The following BLNK variants were observed in gnomAD, a reference collection of about 807,000 sequenced individuals.
BLNK encodes B cell linker.
A neutral mutation model predicts 73.5 loss-of-function variants in BLNK; 29 were observed. That is an observed-to-expected ratio of 0.39 (90% CI 0.29 to 0.54). BLNK has a LOEUF of 0.54. Among genes scored for constraint, BLNK ranks in the 20% least tolerant of loss-of-function variants. The probability of loss-of-function intolerance (pLI) is 0.61; values close to 1 mark genes in which losing one functional copy is unlikely to be tolerated. For missense variants in BLNK, 460 were observed against 562.8 expected (o/e 0.82, Z 1.85); for synonymous variants, 176 against 200.8 (o/e 0.88, Z 1.04).
chr10:96,220,506 C>A (rs1038995067), intron 6 of BLNK, among the ~76,000 whole-genome samples: 2 of 152,188 alleles, frequency 1.3e-5, no homozygotes, highest in African/African-American at 4.8e-5. Flanking sequence ...CCCAGCATTG[C>A]AATTCAATGC....
intron 2 of BLNK, among the ~76,000 whole-genome samples, chr10:96,245,301 A>T (rs1338074156): frequency 6.6e-6 from 1 of 152,220 alleles, no homozygotes; most frequent in Non-Finnish European, 1.5e-5. Flanking sequence ...ACTTCTATAA[A>T]CTATTTTTTG....
chr10:96,246,873 G>A (rs1843064192), intron 2 of BLNK, 111 bp downstream of exon 2: 1 of 777,268 alleles, frequency 1.3e-6, no homozygotes, highest in Admixed American at 2.4e-5. Context: ...AGGGTTACGT[G>A]CTAAAGAGGT....
chr10:96,267,835 A>G (rs1272504870), intron 1 of BLNK, among the ~76,000 whole-genome samples: 1 of 152,232 alleles, frequency 6.6e-6, no homozygotes, highest in African/African-American at 2.4e-5. Flanking sequence ...AAAATCAATT[A>G]CACAACTATA....
Position 96,245,364 on chromosome 10 carries a change from A to G in BLNK, c.113+1620T>C, listed in dbSNP as rs202224820. ...TAATAGCAATTAAAACTTTAAGGGC[A>G]CAACTTCTTCCATTTGGAAATTTCA... On this transcript the variant is annotated intron_variant, in intron 2 of 16. Transcript: ENST00000224337. Among the ~76,000 whole-genome samples the G allele has an allele frequency of 7.9e-5, 12 of 152,342 alleles. No homozygotes were observed. In the East Asian group the frequency reaches 2.3e-3, roughly 29 times the overall value.
intron 16 of BLNK, among the ~76,000 whole-genome samples, chr10:96,192,625 A>C (rs1434571672): frequency 6.6e-6 from 1 of 152,210 alleles, no homozygotes; most frequent in Non-Finnish European, 1.5e-5. Flanking sequence ...TGGTAAGCTT[A>C]GAGTTAACTT....
Position 96,204,607 on chromosome 10 carries a change from A to G in BLNK, c.827T>C (p.Ile276Thr). The G allele has an allele frequency of 6.2e-7, 1 of 1,614,008 alleles. No individual in the cohort carries two copies. Among genetic ancestry groups the G allele is most frequent in the East Asian group, 2.2e-5 (1 of 44,880 alleles). ...NASSVCEEKP[I>T]PAERHRGSSH... ...TGACCCTCGGTGGCGTTCAGCAGGT[A>G]TAGGTTTTTCTGGATCAGGAAAATT... is the stretch of plus-strand genomic sequence containing the variant. Residue 276 changes from isoleucine to threonine, a missense_variant, in exon 12 of 17, where the codon ATA becomes ACA. Physicochemically the swap from Ile to Thr is moderately conservative, Grantham distance 89 (BLOSUM62 -1). Transcript: ENST00000224337.
chr10:96,234,451 C>G (rs587655763), intron 3 of BLNK, among the ~76,000 whole-genome samples: 4 of 152,320 alleles, frequency 2.6e-5, no homozygotes, highest in Admixed American at 2.6e-4. Flanking sequence ...TCTCAGGGAG[C>G]TTCCCAAAGT....
chr10:96,269,817 A>C, intron 1 of BLNK, among the ~76,000 whole-genome samples: 1 of 151,498 alleles, frequency 6.6e-6, no homozygotes, highest in Non-Finnish European at 1.5e-5. Context: ...TGGACAGAAA[A>C]CTCTCCTCAC....
intron 4 of BLNK, 66 bp from the exon 5 acceptor site, chr10:96,227,632 T>G: frequency 1.2e-6 from 2 of 1,608,494 alleles, no homozygotes; most frequent in Non-Finnish European, 1.7e-6. Flanking sequence ...GTCAGGACCA[T>G]TCCTGCCTTG....
chr10:96,213,852 G>A (rs1381700645), intron 8 of BLNK, among the ~76,000 whole-genome samples: 1 of 152,134 alleles, frequency 6.6e-6, no homozygotes, highest in Non-Finnish European at 1.5e-5. Context: ...GTTTTAGATT[G>A]GCATGTTTGA....
At chr10:96,203,943 T>G in intron 13 of BLNK, 114 bp downstream of exon 13, 6 of 799,822 alleles carry the variant, frequency 7.5e-6, no homozygotes, top group Non-Finnish European at 1.3e-5. Context: ...TGGGAGAAGA[T>G]GCCAGGATAA....
chr10:96,259,421 G>A (rs1287130553), intron 1 of BLNK, among the ~76,000 whole-genome samples: 4 of 152,138 alleles, frequency 2.6e-5, no homozygotes, highest in African/African-American at 4.8e-5. Flanking sequence ...GAGGGAATGC[G>A]GTAGCGGCCC....
At chr10:96,233,467 G>C (rs1842582361) in intron 3 of BLNK, among the ~76,000 whole-genome samples, 1 of 152,188 alleles carries the variant, frequency 6.6e-6, no homozygotes, top group East Asian at 1.9e-4. Flanking sequence ...TAGAGGTTCT[G>C]TGGCAACACA....
chr10:96,262,927 G>A (rs1046574392), intron 1 of BLNK, among the ~76,000 whole-genome samples: 2 of 152,202 alleles, frequency 1.3e-5, no homozygotes, highest in Non-Finnish European at 2.9e-5. Context: ...GACATGGAGG[G>A]GTCGTCTAGA....
intron 1 of BLNK, among the ~76,000 whole-genome samples, chr10:96,261,704 TC>T (rs1255240355): frequency 5.3e-5 from 8 of 152,238 alleles, no homozygotes; most frequent in African/African-American, 1.7e-4. Context: ...TTCATTTTTT[TC>T]AATGATTTTA....
chr10:96,252,081 C>T (rs1554909270), intron 1 of BLNK, among the ~76,000 whole-genome samples: 1 of 152,082 alleles, frequency 6.6e-6, no homozygotes, highest in Non-Finnish European at 1.5e-5. Flanking sequence ...GACGGAGTCT[C>T]ACTCTTGTTG....
intron 5 of BLNK, among the ~76,000 whole-genome samples, chr10:96,224,998 A>G (rs72811016): frequency 0.058 from 8,821 of 152,266 alleles, 396 homozygotes; most frequent in Middle Eastern, 0.18. Flanking sequence ...ACGCCTGGCC[A>G]ACATTCTTCA....
intron 3 of BLNK, among the ~76,000 whole-genome samples, chr10:96,240,826 A>C (rs1442904304): frequency 6.6e-6 from 1 of 152,154 alleles, no homozygotes; most frequent in Non-Finnish European, 1.5e-5. Context: ...ATGATTTTAT[A>C]ATTTGTCCAT....
intron 16 of BLNK, among the ~76,000 whole-genome samples, chr10:96,194,190 A>G (rs1227834030): frequency 6.6e-6 from 1 of 152,174 alleles, no homozygotes; most frequent in African/African-American, 2.4e-5. Context: ...CAGGACCTCG[A>G]AATAGGACAG....
Sources: gnomAD v4.1 joint callset for allele counts (sites outside exome capture counted in the v4.1 genomes callset) on GRCh38, gnomAD v4.1.1 for gene constraint, MANE v1.5 for transcripts, NCBI Gene and HGNC (gene_info 2026-07-23, HGNC 2026-07-21) for gene names.